The following ZNF516 variants were observed in gnomAD, a reference collection of about 807,000 sequenced individuals.
The protein encoded by ZNF516 is zinc finger protein 516.
Under a neutral mutation model 79.7 loss-of-function variants are expected in ZNF516, and 19 were observed. The observed-to-expected ratio is 0.24, with a 90% CI of 0.17 to 0.35. ZNF516 has a LOEUF of 0.35. Among genes scored for constraint, ZNF516 ranks in the 10% least tolerant of loss-of-function variants. The pLI, the probability that ZNF516 is intolerant of heterozygous loss-of-function variation, is 1.00. For missense variants in ZNF516, 1,678 were observed against 1,679.5 expected (o/e 1.00, Z 0.02); for synonymous variants, 877 against 739.5 (o/e 1.19, Z -3.02).
chr18:76,456,775 C>T (rs1167527527), intron 2 of ZNF516, among the ~76,000 whole-genome samples: 1 of 152,168 alleles, frequency 6.6e-6, no homozygotes, highest in Non-Finnish European at 1.5e-5. Context: ...GTGGCTCCAT[C>T]CTAAACACAA....
chr18:76,485,810 C>T (rs1914795831), intron 1 of ZNF516, among the ~76,000 whole-genome samples: 1 of 149,718 alleles, frequency 6.7e-6, no homozygotes, highest in Non-Finnish European at 1.5e-5. Flanking sequence ...GGCCGCACCA[C>T]AGAAGCTCAG....
intron 2 of ZNF516, among the ~76,000 whole-genome samples, chr18:76,456,120 T>C (rs1385923620): frequency 6.6e-6 from 1 of 152,196 alleles, no homozygotes; most frequent in Non-Finnish European, 1.5e-5. Flanking sequence ...ACAGCATCAG[T>C]GCTCGCCCCT....
At chr18:76,406,861 C>G (rs527890524) in intron 3 of ZNF516, among the ~76,000 whole-genome samples, 1 of 152,324 alleles carries the variant, frequency 6.6e-6, no homozygotes, top group Non-Finnish European at 1.5e-5. Flanking sequence ...CACACGAGCA[C>G]CGCCTCTTTG....
At chr18:76,437,480 C>T (rs901511215) in intron 3 of ZNF516, among the ~76,000 whole-genome samples, 2 of 151,784 alleles carry the variant, frequency 1.3e-5, no homozygotes, top group South Asian at 2.1e-4. Context: ...CTTGATTCTT[C>T]AAATTGCATA....
At chr18:76,483,090 G>T (rs926604168) in intron 1 of ZNF516, among the ~76,000 whole-genome samples, 11 of 152,142 alleles carry the variant, frequency 7.2e-5, no homozygotes, top group African/African-American at 2.7e-4. Flanking sequence ...CTCATGTTGA[G>T]AATGCAAAAG....
At chr18:76,464,461 T>C (rs1913323290) in intron 1 of ZNF516, among the ~76,000 whole-genome samples, 1 of 152,202 alleles carries the variant, frequency 6.6e-6, no homozygotes. Flanking sequence ...GAACCATCAC[T>C]GGGAAACCCC....
intron 3 of ZNF516, among the ~76,000 whole-genome samples, chr18:76,436,767 CG>C (rs1470447979): frequency 1.3e-5 from 2 of 152,052 alleles, no homozygotes; most frequent in Non-Finnish European, 2.9e-5. Context: ...CCTGTTTCAA[CG>C]GGTAAACACA....
At chr18:76,376,733 C>T (rs1426939838) in intron 4 of ZNF516, among the ~76,000 whole-genome samples, 2 of 151,800 alleles carry the variant, frequency 1.3e-5, no homozygotes, top group East Asian at 1.9e-4. Flanking sequence ...AAACGGGGGA[C>T]GGCACTTTCC....
intron 3 of ZNF516, among the ~76,000 whole-genome samples, chr18:76,423,830 GA>G (rs1383097492): frequency 3.0e-5 from 4 of 131,302 alleles, no homozygotes; most frequent in Non-Finnish European, 6.3e-5. Flanking sequence ...GTTCCCCCAT[GA>G]AACACATGCA....
chr18:76,428,853 G>C (rs542506449), intron 3 of ZNF516, among the ~76,000 whole-genome samples: 1 of 152,268 alleles, frequency 6.6e-6, no homozygotes, highest in African/African-American at 2.4e-5. Context: ...GTTCACAAAA[G>C]ATGTGTGGAT....
chr18:76,392,620 A>G lies in ZNF516; in HGVS notation c.1811-12317T>C, dbSNP rs1413659292. 4.0e-3 allele frequency among the ~76,000 whole-genome samples: 159 copies of G among 40,070 alleles called. 1 individual carries two copies. The highest frequency in any genetic ancestry group is 0.01 in the African/African-American group (85 of 8,176). 26.3% of individuals were successfully genotyped at this position (40,070 alleles called of 152,430 possible). On this transcript the variant is annotated intron_variant, in intron 3 of 6. Transcript: ENST00000443185. The stretch of plus-strand genomic sequence containing the variant: ...TGGGGGAAGGGCAGGTGGGAAGACA[A>G]GTGGCCAGGTGGAGGGAGGGCAGGC...
In ZNF516 at chr18:76,441,302, G is replaced by A. The variant is rs114279579; in HGVS notation, c.1753C>T (p.Leu585=). Residue 585 remains leucine (L), a synonymous_variant, in exon 3 of 7, where the codon CTG becomes TTG. Coordinates refer to ENST00000443185, the MANE Select transcript of ZNF516 (RefSeq NM_014643.4). ...CAAADSPGSG[L]ADEAAEDSGE... ...CTGTCTTCGGCAGCCTCGTCGGCCAGGCCAGAGCCCGGGGAGTCAGCAGCG... is the reference window on the plus strand; with the variant it reads ...CTGTCTTCGGCAGCCTCGTCGGCCAAGCCAGAGCCCGGGGAGTCAGCAGCG... 6,859 of 1,611,468 alleles carry A rather than the reference G, an allele frequency of 4.3e-3. 146 individuals carry two copies. In the African/African-American group the frequency reaches 0.057, roughly 14 times the overall value.
At position 76,451,390 on chromosome 18, in the gene ZNF516, G is replaced by A. The variant is rs550942913; in HGVS notation, c.-157-8179C>T. 1.3e-5 allele frequency among the ~76,000 whole-genome samples: 2 copies of A among 152,296 alleles called. No homozygotes were observed. Among genetic ancestry groups the A allele is most frequent in the East Asian group, 3.9e-4 (2 of 5,186 alleles). On this transcript the variant is annotated intron_variant, in intron 2 of 6. Coordinates refer to ENST00000443185, the MANE Select transcript of ZNF516 (RefSeq NM_014643.4). The surrounding 1 kb of genome is among the most constrained non-coding windows in gnomAD (Gnocchi z 6.0). ...ACAGCCCGGTCCTGCGCACATCTCC[G>A]CTGACAGGGCATTCCTCAGGAGGGG...
At chr18:76,372,407 A>G (rs1335788982) in intron 4 of ZNF516, among the ~76,000 whole-genome samples, 1 of 152,246 alleles carries the variant, frequency 6.6e-6, no homozygotes, top group Non-Finnish European at 1.5e-5. Flanking sequence ...TGTTATGCGC[A>G]ATAGTAACTC....
In ZNF516 at chr18:76,357,853, G is replaced by A. The variant is rs145071183; in HGVS notation, c.*4645C>T. On this transcript the variant is annotated 3_prime_UTR_variant, in exon 7 of 7. Coordinates refer to ENST00000443185, the MANE Select transcript of ZNF516 (RefSeq NM_014643.4). ...ATTCCGTCCGCGTCCATCCCTGTGCGTCCTGTATGGGTGACAGTGCAAGGG... is the reference window on the plus strand; with the variant it reads ...ATTCCGTCCGCGTCCATCCCTGTGCATCCTGTATGGGTGACAGTGCAAGGG... Among the ~76,000 whole-genome samples, 108 of 152,178 alleles carry A rather than the reference G, an allele frequency of 7.1e-4. 1 individual carries two copies. The highest frequency in any genetic ancestry group is 2.3e-3 in the African/African-American group (97 of 41,518).
chr18:76,474,365 A>G (rs917269708), intron 1 of ZNF516, among the ~76,000 whole-genome samples: 3 of 152,200 alleles, frequency 2.0e-5, no homozygotes, highest in African/African-American at 7.2e-5. Context: ...AATTCAAAAC[A>G]GTACAGGTCC....
At chr18:76,397,146 C>T (rs1268465272) in intron 3 of ZNF516, among the ~76,000 whole-genome samples, 1 of 152,144 alleles carries the variant, frequency 6.6e-6, no homozygotes, top group African/African-American at 2.4e-5. Context: ...CCAGAGGCAC[C>T]GAGTCGGGGA....
intron 3 of ZNF516, among the ~76,000 whole-genome samples, chr18:76,431,065 AT>A (rs1379835141): frequency 6.6e-6 from 1 of 152,206 alleles, no homozygotes; most frequent in Non-Finnish European, 1.5e-5. Flanking sequence ...ATGGCAATCC[AT>A]TTTAATATGC....
chr18:76,401,973 G>A (rs889044025), intron 3 of ZNF516, among the ~76,000 whole-genome samples: 1 of 152,048 alleles, frequency 6.6e-6, no homozygotes, highest in African/African-American at 2.4e-5. Flanking sequence ...ATGCATGTGC[G>A]TGCCTATGTG....
Sources: allele counts gnomAD v4.1 joint callset (sites outside exome capture counted in the v4.1 genomes callset), GRCh38; gene constraint gnomAD v4.1.1; non-coding constraint Gnocchi (gnomAD v3.1); transcripts MANE v1.5; gene names NCBI Gene and HGNC (gene_info 2026-07-23, HGNC 2026-07-21).